The following RBMS1 variants were observed in gnomAD, a reference collection of about 807,000 sequenced individuals.
The protein encoded by RBMS1 is RNA-binding motif, single-stranded-interacting protein 1.
RBMS1 carries 17 observed loss-of-function variants against 62.3 expected under a neutral mutation model. The observed-to-expected ratio is 0.27, with a 90% CI of 0.19 to 0.41. The LOEUF (loss-of-function observed/expected upper bound fraction) is 0.41. Among genes scored for constraint, RBMS1 ranks in the 10% least tolerant of loss-of-function variants. The pLI is 1.00. For synonymous variants in RBMS1, 172 were observed against 170.0 expected (o/e 1.01, Z -0.09); for missense variants, 334 against 504.5 (o/e 0.66, Z 3.24).
intron 4 of RBMS1, among the ~76,000 whole-genome samples, chr2:160,305,358 T>C (rs1689443523): frequency 6.6e-6 from 1 of 152,210 alleles, no homozygotes; most frequent in African/African-American, 2.4e-5. Context: ...ATATTTTTAC[T>C]GTACCTTTTC....
intron 2 of RBMS1, among the ~76,000 whole-genome samples, chr2:160,326,590 T>C (rs1405258530): frequency 6.6e-5 from 10 of 152,124 alleles, no homozygotes; most frequent in Non-Finnish European, 1.2e-4. Context: ...GACTGGAGGA[T>C]TTGGAACTGT....
rs555276578 is a variant in RBMS1, at chr2:160,483,127, T to C, written c.75+10162A>G. Among the ~76,000 whole-genome samples, 4 of 151,784 alleles carry C rather than the reference T, an allele frequency of 2.6e-5. No individual in the cohort carries two copies. The South Asian group carries it at 8.3e-4, about 32-fold the overall frequency. The stretch of plus-strand genomic sequence containing the variant: ...AATCAAGGTTAAAGATTTCTTCTGC[T>C]AAACTTAAAGTCTGATAAACAATTA... On this transcript the variant is annotated intron_variant, in intron 1 of 13. Transcript: ENST00000348849.
intron 1 of RBMS1, among the ~76,000 whole-genome samples, chr2:160,449,928 C>T (rs1683891837): frequency 1.3e-5 from 2 of 152,092 alleles, no homozygotes; most frequent in South Asian, 4.2e-4. Context: ...TTCTCATTTT[C>T]AGCTCTATAC....
intron 2 of RBMS1, among the ~76,000 whole-genome samples, chr2:160,364,767 T>A (rs1430473266): frequency 6.6e-6 from 1 of 152,234 alleles, no homozygotes; most frequent in Admixed American, 6.5e-5. Context: ...TGGGCCACCA[T>A]GATAAACATT....
intron 2 of RBMS1, among the ~76,000 whole-genome samples, chr2:160,337,661 G>A (rs1003449283): frequency 2.3e-4 from 35 of 151,986 alleles, no homozygotes; most frequent in African/African-American, 8.0e-4. Context: ...GAAAAAAACT[G>A]GGGGGGAGGG....
At chr2:160,336,647 TATC>T (rs916531467) in intron 2 of RBMS1, among the ~76,000 whole-genome samples, 6 of 152,206 alleles carry the variant, frequency 3.9e-5, no homozygotes, top group Admixed American at 3.9e-4. Flanking sequence ...TCCAAAATAT[TATC>T]ATTTCAACAT....
At chr2:160,387,524 G>A (rs1187892374) in intron 1 of RBMS1, among the ~76,000 whole-genome samples, 1 of 152,096 alleles carries the variant, frequency 6.6e-6, no homozygotes, top group Non-Finnish European at 1.5e-5. Context: ...CAGTTTCAGG[G>A]GAGGAAGGGG....
intron 1 of RBMS1, among the ~76,000 whole-genome samples, chr2:160,388,322 TAGCCTA>T (rs1694687245): frequency 6.6e-6 from 1 of 152,154 alleles, no homozygotes; most frequent in Non-Finnish European, 1.5e-5. Flanking sequence ...GTAACCCAGA[TAGCCTA>T]AAATGCCCCC....
intron 6 of RBMS1, among the ~76,000 whole-genome samples, chr2:160,291,684 C>T (rs1316324952): frequency 6.6e-6 from 1 of 152,134 alleles, no homozygotes; most frequent in African/African-American, 2.4e-5. Context: ...AAGAGAGTAA[C>T]ATTTGTAATA....
Position 160,339,883 on chromosome 2 carries a change from A to C in RBMS1, c.252-21656T>G, listed in dbSNP as rs138403782. On this transcript the variant is annotated intron_variant, in intron 2 of 13. Transcript: ENST00000348849. Reference sequence around the variant, plus strand: ...CTCATCAAATGTTCACAATACTCAGAGTGCTATGTAACTCTATGTCCTCAT... The same window carrying C: ...CTCATCAAATGTTCACAATACTCAGCGTGCTATGTAACTCTATGTCCTCAT... 4.2e-3 allele frequency among the ~76,000 whole-genome samples: 647 copies of C among 152,270 alleles called. 2 individuals carry two copies. The highest frequency in any genetic ancestry group is 7.2e-3 in the South Asian group (35 of 4,830).
At chr2:160,384,142 A>T (rs1295427404) in intron 1 of RBMS1, among the ~76,000 whole-genome samples, 1 of 152,256 alleles carries the variant, frequency 6.6e-6, no homozygotes, top group Non-Finnish European at 1.5e-5. Context: ...GCTTGCAGTG[A>T]GCCAAGATCG....
intron 1 of RBMS1, among the ~76,000 whole-genome samples, chr2:160,375,912 G>GA (rs1031959064): frequency 7.2e-6 from 1 of 139,176 alleles, no homozygotes; most frequent in African/African-American, 2.6e-5. Flanking sequence ...AAAAAAAAAA[G>GA]AAAGAAAACT....
chr2:160,332,426 A>G (rs1691329709), intron 2 of RBMS1, among the ~76,000 whole-genome samples: 1 of 152,116 alleles, frequency 6.6e-6, no homozygotes, highest in Admixed American at 6.6e-5. Flanking sequence ...AAAAATCCAC[A>G]TAAGAGAAAA....
chr2:160,434,643 A>G (rs1028085396), intron 1 of RBMS1, among the ~76,000 whole-genome samples: 4 of 152,246 alleles, frequency 2.6e-5, no homozygotes, highest in Non-Finnish European at 4.4e-5. Flanking sequence ...TATGGCTAGC[A>G]TAACTAAGAA....
At chr2:160,388,032 C>G (rs1418027112) in intron 1 of RBMS1, among the ~76,000 whole-genome samples, 1 of 152,166 alleles carries the variant, frequency 6.6e-6, no homozygotes, top group Non-Finnish European at 1.5e-5. Context: ...TACAGCCAAA[C>G]AGGGTTCCAA....
At chr2:160,311,228 C>CCATATATATATATATA (rs1553505409) in intron 4 of RBMS1, among the ~76,000 whole-genome samples, 5 of 95,942 alleles carry the variant, frequency 5.2e-5, no homozygotes, top group Non-Finnish European at 1.0e-4. Context: ...ATCTATCTAT[C>CCATATATATATATATA]TATCTATATA....
rs1217004693 is a variant in RBMS1 at position 160,493,446 on chromosome 2, G to GGCGGCGGCGGCA, written c.-95_-84dup. ...CGGGCTCTCCTGCCTCTCCCTTTCCGGCGGCGGCGGCAGCGGCGGCGGCGG... is the reference window on the plus strand; with the variant it reads ...CGGGCTCTCCTGCCTCTCCCTTTCCGGCGGCGGCGGCAGCGGCGGCGGCAGCGGCGGCGGCGG... On this transcript the variant is annotated 5_prime_UTR_variant, in exon 1 of 14. Coordinates refer to ENST00000348849, the MANE Select transcript of RBMS1 (RefSeq NM_016836.4). 7 of 1,363,028 alleles carry GGCGGCGGCGGCA rather than the reference G, an allele frequency of 5.1e-6. No homozygotes were observed. The highest frequency in any genetic ancestry group is 7.2e-6 in the Non-Finnish European group (7 of 968,204). 84.4% of individuals were successfully genotyped at this position (1,363,028 alleles called of 1,614,324 possible).
intron 2 of RBMS1, among the ~76,000 whole-genome samples, chr2:160,362,345 T>C (rs1693173839): frequency 6.6e-6 from 1 of 152,250 alleles, no homozygotes; most frequent in African/African-American, 2.4e-5. Context: ...GCATTTGGCA[T>C]GCCTTTCTCA....
At chr2:160,301,315 C>A (rs1413961349) in intron 5 of RBMS1, among the ~76,000 whole-genome samples, 5 of 152,190 alleles carry the variant, frequency 3.3e-5, no homozygotes, top group Non-Finnish European at 5.9e-5. Context: ...TGGAGGCTAA[C>A]TTTACAACTT....
Sources: allele counts gnomAD v4.1 joint callset (sites outside exome capture counted in the v4.1 genomes callset), GRCh38; gene constraint gnomAD v4.1.1; transcripts MANE v1.5; gene names NCBI Gene and HGNC (gene_info 2026-07-23, HGNC 2026-07-21).